The following ITPR1 variants were observed in gnomAD, a reference collection of about 807,000 sequenced individuals.
The protein encoded by ITPR1 is inositol 1,4,5-trisphosphate receptor type 1.
Under a neutral mutation model 318.4 loss-of-function variants are expected in ITPR1, and 96 were observed. That is an observed-to-expected ratio of 0.30 (90% CI 0.26 to 0.36). The LOEUF is 0.36. Among genes scored for constraint, ITPR1 ranks in the 10% least tolerant of loss-of-function variants. The pLI, the probability that ITPR1 is intolerant of heterozygous loss-of-function variation, is 1.00. For synonymous variants in ITPR1, 1,312 were observed against 1,289.9 expected, an observed-to-expected ratio of 1.02 and a Z score of -0.37; for missense variants, 2,440 against 3,460.2, an observed-to-expected ratio of 0.71 and a Z score of 7.40.
At chr3:4,625,960 A>G (rs1299918457) in intron 4 of ITPR1, among the ~76,000 whole-genome samples, 2 of 152,148 alleles carry the variant, frequency 1.3e-5, no homozygotes, top group Non-Finnish European at 2.9e-5. Context: ...TTGGTTTCCT[A>G]GAGTAGTTAT....
At chr3:4,805,157 G>C (rs1575318296) in intron 54 of ITPR1, among the ~76,000 whole-genome samples, 1 of 152,208 alleles carries the variant, frequency 6.6e-6, no homozygotes, top group Admixed American at 6.5e-5. Context: ...TTTTGACCAA[G>C]AAACCAACAG....
At chr3:4,824,052 C>T (rs1422040370) in intron 60 of ITPR1, among the ~76,000 whole-genome samples, 1 of 152,118 alleles carries the variant, frequency 6.6e-6, no homozygotes, top group East Asian at 1.9e-4. Context: ...TCAGAAGGTC[C>T]CGATACCTTG....
intron 52 of ITPR1, among the ~76,000 whole-genome samples, chr3:4,790,449 A>C (rs964724406): frequency 3.3e-5 from 5 of 152,226 alleles, no homozygotes; most frequent in African/African-American, 1.2e-4. Context: ...CTTAAGCACA[A>C]CTGCAGTTGT....
At chr3:4,509,848 A>G (rs1019589858) in intron 2 of ITPR1, among the ~76,000 whole-genome samples, 1 of 152,200 alleles carries the variant, frequency 6.6e-6, no homozygotes, top group African/African-American at 2.4e-5. Flanking sequence ...CAATAGCACT[A>G]AAGTGACATT....
intron 2 of ITPR1, among the ~76,000 whole-genome samples, chr3:4,509,301 T>A (rs2081623674): frequency 1.3e-5 from 2 of 152,238 alleles, no homozygotes; most frequent in Admixed American, 1.3e-4. Context: ...CTCTTGTCAG[T>A]ACTCCAAGCC....
intron 4 of ITPR1, among the ~76,000 whole-genome samples, chr3:4,565,654 C>T (rs1203441633): frequency 6.6e-6 from 1 of 152,060 alleles, no homozygotes; most frequent in Non-Finnish European, 1.5e-5. Context: ...TGATTGTCTC[C>T]CCAAGACGAA....
At chr3:4,561,484 A>G (rs528786891) in intron 4 of ITPR1, among the ~76,000 whole-genome samples, 1 of 152,278 alleles carries the variant, frequency 6.6e-6, no homozygotes, top group East Asian at 1.9e-4. Flanking sequence ...GCAAATACAT[A>G]ATTTTATAGA....
chr3:4,712,414 T>A (rs2041445865), intron 39 of ITPR1, among the ~76,000 whole-genome samples: 1 of 152,222 alleles, frequency 6.6e-6, no homozygotes, highest in Non-Finnish European at 1.5e-5. Context: ...ATATACCAGA[T>A]CCATTCCTTA....
intron 39 of ITPR1, 74 bp downstream of exon 39, chr3:4,711,942 C>T: frequency 1.5e-6 from 1 of 663,290 alleles, no homozygotes; most frequent in East Asian, 2.9e-5. Context: ...CAAAACCCAC[C>T]TTAGCTCAGG....
intron 4 of ITPR1, among the ~76,000 whole-genome samples, chr3:4,600,465 CTCTACGGACCT>C (rs1191389354): frequency 8.6e-5 from 13 of 150,934 alleles, no homozygotes; most frequent in Non-Finnish European, 1.5e-5. Context: ...AGGGTACCAT[CTCTACGGACCT>C]TCCTGTTTTG....
intron 60 of ITPR1, among the ~76,000 whole-genome samples, chr3:4,827,284 T>C (rs1304694669): frequency 6.6e-6 from 1 of 152,208 alleles, no homozygotes; most frequent in East Asian, 1.9e-4. Context: ...AACTCCTTCA[T>C]TTCCTGTGTA....
chr3:4,748,403 G>C (rs776930962), intron 44 of ITPR1, among the ~76,000 whole-genome samples: 1 of 151,754 alleles, frequency 6.6e-6, no homozygotes, highest in Non-Finnish European at 1.5e-5. Flanking sequence ...TAGCCAATGA[G>C]TTTTAAAGGT....
At chr3:4,670,101 G>T (rs1040366555) in intron 19 of ITPR1, among the ~76,000 whole-genome samples, 1 of 152,166 alleles carries the variant, frequency 6.6e-6, no homozygotes, top group African/African-American at 2.4e-5. Flanking sequence ...ATGACATAAT[G>T]AATATTCAGT....
chr3:4,556,096 T>C (rs2086097805), intron 4 of ITPR1, among the ~76,000 whole-genome samples: 1 of 152,212 alleles, frequency 6.6e-6, no homozygotes, highest in East Asian at 1.9e-4. Flanking sequence ...AAACATTTTT[T>C]CTAATTTAGT....
intron 42 of ITPR1, among the ~76,000 whole-genome samples, chr3:4,728,881 T>C (rs1192908529): frequency 1.3e-5 from 2 of 152,226 alleles, no homozygotes; most frequent in East Asian, 3.8e-4. Flanking sequence ...AACTTTGTGA[T>C]TTCTCAGACT....
chr3:4,585,402 A>G, intron 4 of ITPR1, among the ~76,000 whole-genome samples: 1 of 152,076 alleles, frequency 6.6e-6, no homozygotes, highest in Middle Eastern at 3.2e-3. Flanking sequence ...ACTAATTATG[A>G]TTACTACTAC....
chr3:4,746,655 C>A (rs2125337799), intron 44 of ITPR1, among the ~76,000 whole-genome samples: 1 of 152,354 alleles, frequency 6.6e-6, no homozygotes, highest in Non-Finnish European at 1.5e-5. Flanking sequence ...TCCGAGTCCC[C>A]TCGAGGAGCC....
intron 4 of ITPR1, among the ~76,000 whole-genome samples, chr3:4,552,597 C>T (rs1469216840): frequency 6.6e-6 from 1 of 152,138 alleles, no homozygotes; most frequent in Non-Finnish European, 1.5e-5. Context: ...TCTTGTTCAC[C>T]ATCTTGTCTG....
At chr3:4,503,881 G>A (rs911630973) in intron 2 of ITPR1, among the ~76,000 whole-genome samples, 6 of 151,970 alleles carry the variant, frequency 3.9e-5, no homozygotes, top group African/African-American at 1.2e-4. Flanking sequence ...CTTCAGGCTG[G>A]GACTGACTTC....
Sources: gnomAD v4.1 joint callset for allele counts (sites outside exome capture counted in the v4.1 genomes callset) on GRCh38, gnomAD v4.1.1 for gene constraint, MANE v1.5 for transcripts, NCBI Gene and HGNC (gene_info 2026-07-23, HGNC 2026-07-21) for gene names.